The following TGDS variants were observed in gnomAD, a reference collection of about 807,000 sequenced individuals.
TGDS encodes UDP-D-glucose 4,6-dehydratase.
A neutral mutation model predicts 52.3 loss-of-function variants in TGDS; 47 were observed. That is an observed-to-expected ratio of 0.90 (90% CI 0.71 to 1.15). The LOEUF (loss-of-function observed/expected upper bound fraction) is 1.15, where lower values mean the gene tolerates loss of function less well. Ranked by LOEUF, TGDS falls within the 50% of genes most tolerant of loss-of-function variation. TGDS has a pLI of 0.00. For missense variants in TGDS, 375 were observed against 418.4 expected (o/e 0.90, Z 0.90); for synonymous variants, 115 against 136.9 (o/e 0.84, Z 1.12).
intron 4 of TGDS, among the ~76,000 whole-genome samples, chr13:94,589,075 T>C (rs1195651926): frequency 2.6e-5 from 4 of 152,066 alleles, no homozygotes; most frequent in Admixed American, 2.6e-4. Context: ...TAGGAGAGAA[T>C]TTAAGAACTG....
chr13:94,593,855 T>G lies in TGDS; in HGVS notation c.139A>C (p.Ile47Leu). The G allele has an allele frequency of 1.9e-6, 3 of 1,575,178 alleles. No individual in the cohort carries two copies. The South Asian group carries it at 3.5e-5, about 18-fold the overall frequency. ...ATAAAACTCACCTTGTCTAGATTTA[T>G]GATCATATAGTTTGGATAATCTTCC... is the stretch of plus-strand genomic sequence containing the variant. ...LVEDYPNYMI[I>L]NLDKLDYCAS... Residue 47 changes from isoleucine (I) to leucine (L), a missense_variant, in exon 2 of 12, where the codon ATA (isoleucine) becomes CTA (leucine). Transcript: ENST00000261296.
chr13:94,592,718 T>C (rs1417373280), intron 2 of TGDS, among the ~76,000 whole-genome samples: 1 of 152,178 alleles, frequency 6.6e-6, no homozygotes, highest in African/African-American at 2.4e-5. Flanking sequence ...CCTCCCAAAG[T>C]GCTGGGATTA....
intron 5 of TGDS, among the ~76,000 whole-genome samples, chr13:94,582,707 G>A (rs1011462500): frequency 1.3e-5 from 2 of 152,194 alleles, no homozygotes; most frequent in African/African-American, 4.8e-5. Context: ...AGCTGCCAGA[G>A]TGGCTAGAAT....
At chr13:94,575,510 G>A (rs1020506702) in intron 11 of TGDS, among the ~76,000 whole-genome samples, 5 of 151,736 alleles carry the variant, frequency 3.3e-5, no homozygotes, top group African/African-American at 1.2e-4. Context: ...GGCTGGTCCT[G>A]AACTCCTGAC....
chr13:94,578,801 GACTGGATATTT>G, intron 7 of TGDS, 28 bp from the exon 8 acceptor site: 1 of 1,388,904 alleles, frequency 7.2e-7, no homozygotes. Context: ...TATCATTTCA[GACTGGATATTT>G]ACTCATTAGT....
rs576160797 is a variant in TGDS at position 94,587,825 on chromosome 13, G to T, written c.313+3028C>A. 2.7e-5 allele frequency among the ~76,000 whole-genome samples: 4 copies of T among 150,512 alleles called. No homozygotes were observed. The South Asian group carries it at 8.5e-4, about 32-fold the overall frequency. On this transcript the variant is annotated intron_variant, in intron 4 of 11. Coordinates refer to ENST00000261296, the MANE Select transcript of TGDS (RefSeq NM_014305.4). Reference sequence around the variant, plus strand: ...GTCCTGGCTAACACGGTGAAACCCCGTCTCTATTAAAAATACAAAAAATTA... The same window carrying T: ...GTCCTGGCTAACACGGTGAAACCCCTTCTCTATTAAAAATACAAAAAATTA...
intron 11 of TGDS, among the ~76,000 whole-genome samples, chr13:94,575,288 T>C (rs1888561282): frequency 6.8e-6 from 1 of 147,140 alleles, no homozygotes; most frequent in Non-Finnish European, 1.5e-5. Flanking sequence ...TTCCTTGCTT[T>C]TTTTTTTTTT....
chr13:94,588,169 G>A (rs1431820897), intron 4 of TGDS, among the ~76,000 whole-genome samples: 3 of 152,014 alleles, frequency 2.0e-5, no homozygotes, highest in Non-Finnish European at 4.4e-5. Context: ...ACTTTGGGAG[G>A]CTGAGACGGG....
intron 10 of TGDS, among the ~76,000 whole-genome samples, chr13:94,576,873 A>T (rs770844808): frequency 1.2e-4 from 19 of 152,102 alleles, no homozygotes; most frequent in Admixed American, 2.6e-4. Flanking sequence ...GAGGCCAAGG[A>T]GGGCGGATCA....
At chr13:94,574,933 TC>T (rs903450877) in intron 11 of TGDS, 81 bp from the exon 12 acceptor site, 1 of 799,566 alleles carries the variant, frequency 1.3e-6, no homozygotes, top group African/African-American at 1.8e-5. Context: ...TTTACTGAGT[TC>T]CTGCTAGCTA....
Position 94,574,824 on chromosome 13 carries a change from G to T in TGDS, c.1011C>A (p.Asn337Lys). ...TIEWYRENFH[N>K]WKNVEKALEP... is the part of the protein sequence containing the mutation. The stretch of plus-strand genomic sequence containing the variant: ...CTAATGCCTTTTCCACATTCTTCCA[G>T]TTGTGAAAATTCTCTCTGTACCATT... The change falls in exon 12 of 12, where the codon AAC (asparagine) becomes AAA (lysine). Residue 337 changes from asparagine to lysine, a missense_variant. Transcript: ENST00000261296. 1 of 1,600,480 alleles carries T rather than the reference G, an allele frequency of 6.2e-7. No homozygotes were observed. The highest frequency in any genetic ancestry group is 8.5e-7 in the Non-Finnish European group (1 of 1,170,352).
chr13:94,592,297 C>T lies in TGDS; in HGVS notation c.166G>A (p.Ala56Thr). Residue 56 changes from alanine (A) to threonine (T), a missense_variant, in exon 3 of 12, where the codon GCA becomes ACA. Coordinates refer to ENST00000261296, the MANE Select transcript of TGDS (RefSeq NM_014305.4). Reference sequence around the variant, plus strand: ...ATGGTTTCAAGATTCTTCAAGCTTGCACAGTAATCCAGCTTGAAAGAAGAG... The same window carrying T: ...ATGGTTTCAAGATTCTTCAAGCTTGTACAGTAATCCAGCTTGAAAGAAGAG... ...IINLDKLDYC[A>T]SLKNLETISN... 1.2e-6 allele frequency: 2 copies of T among 1,604,570 alleles called. No individual in the cohort carries two copies. Among genetic ancestry groups the T allele is most frequent in the South Asian group, 2.3e-5 (2 of 88,690 alleles).
At chr13:94,579,843 T>G in intron 7 of TGDS, 51 bp downstream of exon 7, 3 of 1,017,340 alleles carry the variant, frequency 2.9e-6, no homozygotes, top group Non-Finnish European at 4.5e-6. Context: ...TTTCAAACAA[T>G]GAGAAGTTAC....
chr13:94,577,171 G>T (rs1325158621), intron 10 of TGDS, among the ~76,000 whole-genome samples, 200 bp downstream of exon 10: 1 of 151,980 alleles, frequency 6.6e-6, no homozygotes, highest in African/African-American at 2.4e-5. Context: ...CTTAGAAAGG[G>T]TCAATAGTTT....
At chr13:94,594,978 T>C (rs190102627) in intron 1 of TGDS, among the ~76,000 whole-genome samples, 3 of 152,240 alleles carry the variant, frequency 2.0e-5, no homozygotes, top group Non-Finnish European at 4.4e-5. Flanking sequence ...GTAGTCTCTG[T>C]CCTTACCGAG....
chr13:94,595,926 A>T (rs1889359491), intron 1 of TGDS, 125 bp downstream of exon 1: 2 of 1,052,366 alleles, frequency 1.9e-6, no homozygotes, highest in Admixed American at 1.9e-5. Context: ...GTGCATTAGG[A>T]CCCTCCCCAT....
chr13:94,592,333 G>A (rs756079750), intron 2 of TGDS, 24 bp from the exon 3 acceptor site: 3 of 1,568,008 alleles, frequency 1.9e-6, no homozygotes, highest in African/African-American at 2.8e-5. Flanking sequence ...AGCACAGAAG[G>A]GGCAACACAA....
Position 94,593,475 on chromosome 13 carries a change from CTAAGA to C in TGDS, c.153+361_153+365del, listed in dbSNP as rs552801451. On this transcript the variant is annotated intron_variant, in intron 2 of 11. Transcript: ENST00000261296. ...ACCATATGCCCCATAACAAGTACAA[CTAAGA>C]TATGTCAATTAAAAAATAGAAAAAA... Among the ~76,000 whole-genome samples the C allele has an allele frequency of 2.0e-4, 31 of 152,064 alleles. No homozygotes were observed. The South Asian group carries it at 4.6e-3, about 22-fold the overall frequency.
At chr13:94,580,905 G>A (rs572060398) in intron 6 of TGDS, among the ~76,000 whole-genome samples, 186 bp downstream of exon 6, 10 of 152,276 alleles carry the variant, frequency 6.6e-5, no homozygotes, top group Middle Eastern at 3.4e-3. Context: ...CTGGGAGGCC[G>A]AGGTGGGCAG....
Sources: allele counts gnomAD v4.1 joint callset (sites outside exome capture counted in the v4.1 genomes callset), GRCh38; gene constraint gnomAD v4.1.1; transcripts MANE v1.5; gene names NCBI Gene and HGNC (gene_info 2026-07-23, HGNC 2026-07-21).